Variants in CNTN4 observed in about 807,000 individuals in gnomAD.
CNTN4 encodes the protein contactin-4.
In CNTN4, 77 loss-of-function variants were observed where a neutral mutation model predicts 122.5. The ratio of observed to expected loss-of-function variants is 0.63; its 90% CI spans 0.52 to 0.76. CNTN4 has a LOEUF of 0.76. Among genes scored for constraint, CNTN4 ranks in the 30% least tolerant of loss-of-function variants. The pLI is 0.00. For synonymous variants in CNTN4, 512 were observed against 447.0 expected, an observed-to-expected ratio of 1.15 and a Z score of -1.83; for missense variants, 1,256 against 1,259.1, an observed-to-expected ratio of 1.00 and a Z score of 0.04.
intron 2 of CNTN4, among the ~76,000 whole-genome samples, chr3:2,176,972 A>C (rs1049533181): frequency 3.3e-5 from 5 of 152,162 alleles, no homozygotes; most frequent in Non-Finnish European, 5.9e-5. Flanking sequence ...ACCTATAGAC[A>C]CATGTAACAG....
intron 7 of CNTN4, among the ~76,000 whole-genome samples, chr3:2,842,446 A>G (rs1336791763): frequency 1.3e-5 from 2 of 152,156 alleles, no homozygotes; most frequent in Non-Finnish European, 2.9e-5. Flanking sequence ...CTCCTGCATT[A>G]GATACATTTT....
intron 9 of CNTN4, among the ~76,000 whole-genome samples, chr3:2,886,619 C>A (rs1011501994): frequency 4.0e-5 from 6 of 148,868 alleles, no homozygotes; most frequent in African/African-American, 1.5e-4. Context: ...TCAAGTGATT[C>A]TCCTGCCTCA....
intron 3 of CNTN4, among the ~76,000 whole-genome samples, chr3:2,434,647 A>G (rs1407633926): frequency 1.3e-5 from 2 of 152,176 alleles, no homozygotes; most frequent in Non-Finnish European, 2.9e-5. Context: ...CTAAAAGGTG[A>G]TGTAATTAGG....
intron 3 of CNTN4, among the ~76,000 whole-genome samples, chr3:2,349,121 T>C (rs1367227705): frequency 6.6e-6 from 1 of 152,234 alleles, no homozygotes; most frequent in Non-Finnish European, 1.5e-5. Context: ...GTTTGGTAAA[T>C]ATTTTATATG....
intron 6 of CNTN4, among the ~76,000 whole-genome samples, chr3:2,814,153 A>G (rs2092676129): frequency 6.6e-6 from 1 of 152,242 alleles, no homozygotes; most frequent in African/African-American, 2.4e-5. Context: ...TGTTGGAAAA[A>G]GTTATGTAAA....
At chr3:3,013,662 G>T (rs533778307) in intron 14 of CNTN4, among the ~76,000 whole-genome samples, 1 of 151,402 alleles carries the variant, frequency 6.6e-6, no homozygotes, top group South Asian at 2.1e-4. Context: ...CCTTTCTGTG[G>T]AAAGCAAGCA....
intron 2 of CNTN4, among the ~76,000 whole-genome samples, chr3:2,162,501 G>T (rs771382415): frequency 2.0e-5 from 3 of 152,156 alleles, no homozygotes; most frequent in Non-Finnish European, 4.4e-5. Flanking sequence ...CCCACAACTG[G>T]AAAACCCATA....
At chr3:2,807,688 G>C (rs567448106) in intron 6 of CNTN4, among the ~76,000 whole-genome samples, 2 of 151,936 alleles carry the variant, frequency 1.3e-5, no homozygotes, top group East Asian at 3.9e-4. Flanking sequence ...TAGGAGCAAT[G>C]AGTCTAAGCA....
chr3:2,806,936 T>C (rs924611111), intron 6 of CNTN4, among the ~76,000 whole-genome samples: 18 of 152,198 alleles, frequency 1.2e-4, no homozygotes, highest in African/African-American at 4.3e-4. Context: ...TAACATCCCC[T>C]ATCCGGTTTC....
intron 3 of CNTN4, among the ~76,000 whole-genome samples, chr3:2,555,007 A>G (rs1303933600): frequency 2.6e-5 from 4 of 152,200 alleles, no homozygotes; most frequent in Non-Finnish European, 5.9e-5. Context: ...CTTACAATAA[A>G]GTGATCTGTC....
At chr3:2,999,973 T>G (rs1695880304) in intron 14 of CNTN4, among the ~76,000 whole-genome samples, 1 of 152,206 alleles carries the variant, frequency 6.6e-6, no homozygotes, top group Non-Finnish European at 1.5e-5. Context: ...CATTAGGGAA[T>G]AAACTAAATA....
intron 2 of CNTN4, among the ~76,000 whole-genome samples, chr3:2,147,376 T>C (rs1214525938): frequency 6.6e-6 from 1 of 151,362 alleles, no homozygotes; most frequent in Middle Eastern, 3.2e-3. Context: ...AAATTAAAAA[T>C]AGCAAAAAAA....
chr3:2,703,960 GAA>G (rs969361379), intron 4 of CNTN4, among the ~76,000 whole-genome samples: 7 of 152,110 alleles, frequency 4.6e-5, no homozygotes, highest in African/African-American at 1.4e-4. Context: ...GGGAAGAGGA[GAA>G]GAGATGAGAA....
At chr3:2,597,653 T>C (rs1371472091) in intron 4 of CNTN4, among the ~76,000 whole-genome samples, 2 of 152,086 alleles carry the variant, frequency 1.3e-5, no homozygotes, top group African/African-American at 2.4e-5. Flanking sequence ...TGTGTGCCTA[T>C]GGAAGAGCCC....
chr3:2,933,032 C>A lies in CNTN4; in HGVS notation c.1358+7253C>A, dbSNP rs181762537. Among the ~76,000 whole-genome samples the A allele has an allele frequency of 7.3e-3, 1,106 of 152,082 alleles. 14 individuals are homozygous for A. The highest frequency in any genetic ancestry group is 0.026 in the African/African-American group (1,060 of 41,452). ...AGAGACGAAGTTTCACCGTGTTAGCCAGGATGGTCTCGATCTCCTGACCTC... is the reference window on the plus strand; with the variant it reads ...AGAGACGAAGTTTCACCGTGTTAGCAAGGATGGTCTCGATCTCCTGACCTC... On this transcript the variant is annotated intron_variant, in intron 13 of 24. Coordinates refer to ENST00000418658, the MANE Select transcript of CNTN4 (RefSeq NM_175607.3).
intron 2 of CNTN4, among the ~76,000 whole-genome samples, chr3:2,256,759 A>G (rs2040608616): frequency 6.6e-6 from 1 of 152,214 alleles, no homozygotes; most frequent in African/African-American, 2.4e-5. Context: ...TTCAAGGAGA[A>G]CTACAAACCA....
chr3:2,380,248 T>A (rs1407331979), intron 3 of CNTN4, among the ~76,000 whole-genome samples: 2 of 152,214 alleles, frequency 1.3e-5, no homozygotes, highest in Non-Finnish European at 2.9e-5. Flanking sequence ...CCTTTTTATG[T>A]AAAATTTAGA....
At chr3:2,140,765 G>C (rs939927389) in intron 2 of CNTN4, among the ~76,000 whole-genome samples, 2 of 152,184 alleles carry the variant, frequency 1.3e-5, no homozygotes, top group Non-Finnish European at 2.9e-5. Flanking sequence ...CAAAGCTGGT[G>C]TATGCCTCAA....
chr3:2,775,665 C>T (rs1370708130), intron 6 of CNTN4, among the ~76,000 whole-genome samples: 1 of 152,134 alleles, frequency 6.6e-6, no homozygotes, highest in Non-Finnish European at 1.5e-5. Flanking sequence ...AAGTGATCTG[C>T]CTGCCTTAGC....
Sources: allele counts gnomAD v4.1 joint callset (sites outside exome capture counted in the v4.1 genomes callset), GRCh38; gene constraint gnomAD v4.1.1; transcripts MANE v1.5; gene names NCBI Gene and HGNC (gene_info 2026-07-23, HGNC 2026-07-21).